Variants in LHX4 observed in about 807,000 individuals in gnomAD.
The protein encoded by LHX4 is LIM/homeobox protein Lhx4.
A neutral mutation model predicts 39.2 loss-of-function variants in LHX4; 16 were observed. That is an observed-to-expected ratio of 0.41 (90% confidence interval 0.28 to 0.62). The LOEUF (loss-of-function observed/expected upper bound fraction) is 0.62. Among genes scored for constraint, LHX4 ranks in the 20% least tolerant of loss-of-function variants. The probability of loss-of-function intolerance (pLI) is 0.33; values close to 1 mark genes in which losing one functional copy is unlikely to be tolerated. For missense variants in LHX4, 439 were observed against 511.9 expected, an observed-to-expected ratio of 0.86 and a Z score of 1.37; for synonymous variants, 206 against 198.1, an observed-to-expected ratio of 1.04 and a Z score of -0.33.
chr1:180,258,614 G>A (rs1441683116), intron 2 of LHX4, among the ~76,000 whole-genome samples: 3 of 152,098 alleles, frequency 2.0e-5, no homozygotes, highest in Non-Finnish European at 4.4e-5. Context: ...AAGGCGGTGT[G>A]GGTGTGAGAA....
At chr1:180,255,405 C>G (rs1181475124) in intron 2 of LHX4, among the ~76,000 whole-genome samples, 1 of 152,212 alleles carries the variant, frequency 6.6e-6, no homozygotes, top group East Asian at 1.9e-4. Context: ...CGCGTGCACA[C>G]ACATGCACAC....
At chr1:180,245,055 C>T (rs1647335162) in intron 1 of LHX4, among the ~76,000 whole-genome samples, 1 of 152,206 alleles carries the variant, frequency 6.6e-6, no homozygotes, top group Non-Finnish European at 1.5e-5. Flanking sequence ...GCCCTTTGTA[C>T]TTAACTCACT....
In LHX4 at chr1:180,277,673, CT is replaced by C. The variant is rs1649115960; in HGVS notation, c.*3096del. On this transcript the variant is annotated 3_prime_UTR_variant, in exon 6 of 6. Transcript: ENST00000263726. Reference sequence around the variant, plus strand: ...AGTCAGGTTCTTGGCCCTTCAAGGACTTGCTATGCAACCTCAGGCAAATTCC... The same window carrying C: ...AGTCAGGTTCTTGGCCCTTCAAGGACTGCTATGCAACCTCAGGCAAATTCC... 1 of 152,190 alleles carries C rather than the reference CT, an allele frequency of 6.6e-6. No individual in the cohort carries two copies. The highest frequency in any genetic ancestry group is 2.4e-5 in the African/African-American group (1 of 41,448). The allele number at this position is 152,190 out of a possible 1,614,324, so 9.4% of individuals were successfully genotyped here. A position where few individuals can be genotyped will look rare whatever the true frequency, so the allele number is the denominator to read the frequency against.
In LHX4 at chr1:180,274,489, T is replaced by C; in HGVS notation, c.1083T>C (p.Ser361=). The C allele has an allele frequency of 6.2e-7, 1 of 1,613,914 alleles. No individual in the cohort carries two copies. Among genetic ancestry groups the C allele is most frequent in the East Asian group, 2.2e-5 (1 of 44,880 alleles). The part of the protein sequence containing the change: ...TLRAMAGGPT[S]DISTGSSVGY... ...GAGCCATGGCTGGGGGACCCACCTC[T>C]GACATCTCCACAGGAAGCAGTGTAG... Residue 361 remains serine, a synonymous_variant, in exon 6 of 6, where the codon TCT becomes TCC. Coordinates refer to ENST00000263726, the MANE Select transcript of LHX4 (RefSeq NM_033343.4).
chr1:180,242,600 G>A (rs768446009), intron 1 of LHX4, among the ~76,000 whole-genome samples: 14 of 152,096 alleles, frequency 9.2e-5, no homozygotes, highest in Non-Finnish European at 2.1e-4. Flanking sequence ...TCTATGCCTC[G>A]ACTATGTCCC....
At chr1:180,256,500 C>A (rs1357426606) in intron 2 of LHX4, among the ~76,000 whole-genome samples, 1 of 152,224 alleles carries the variant, frequency 6.6e-6, no homozygotes, top group African/African-American at 2.4e-5. Flanking sequence ...CTCCCACACA[C>A]CCATTCCAGT....
intron 1 of LHX4, among the ~76,000 whole-genome samples, chr1:180,247,446 C>A (rs955393904): frequency 2.6e-5 from 4 of 152,172 alleles, no homozygotes; most frequent in African/African-American, 9.7e-5. Flanking sequence ...TGTGACTGAT[C>A]AGGACAGTGC....
At chr1:180,262,253 C>T (rs1405779220) in intron 2 of LHX4, among the ~76,000 whole-genome samples, 3 of 147,210 alleles carry the variant, frequency 2.0e-5, no homozygotes, top group Non-Finnish European at 4.5e-5. Flanking sequence ...CGCTGCCCAG[C>T]ACCTTCCTAC....
Position 180,232,138 on chromosome 1 carries a change from A to G in LHX4, c.76+1533A>G, listed in dbSNP as rs1174593422. On this transcript the variant is annotated intron_variant, in intron 1 of 5. Coordinates refer to ENST00000263726, the MANE Select transcript of LHX4 (RefSeq NM_033343.4). This position sits in a 1 kb window ranked among gnomAD's most constrained non-coding sequence, Gnocchi z 5.4. ...AGCCCCTGCAAAGACGGAAACAGAAACCCTGCAAAGGTGCACCGAGTCCTT... is the reference window on the plus strand; with the variant it reads ...AGCCCCTGCAAAGACGGAAACAGAAGCCCTGCAAAGGTGCACCGAGTCCTT... 6.6e-6 allele frequency among the ~76,000 whole-genome samples: 1 copy of G among 152,066 alleles called. No individual in the cohort carries two copies. The highest frequency in any genetic ancestry group is 2.4e-5 in the African/African-American group (1 of 41,400).
intron 1 of LHX4, among the ~76,000 whole-genome samples, chr1:180,241,806 T>G (rs921159198): frequency 3.3e-5 from 5 of 152,134 alleles, no homozygotes; most frequent in African/African-American, 9.7e-5. Context: ...GTTTTTGTGT[T>G]TTTTTTCTTT....
chr1:180,276,976 A>ATCTC lies in LHX4; in HGVS notation c.*2399_*2402dup, dbSNP rs2149270851. 6.6e-6 allele frequency: 1 copy of ATCTC among 152,272 alleles called. No individual in the cohort carries two copies. Among genetic ancestry groups the ATCTC allele is most frequent in the Non-Finnish European group, 1.5e-5 (1 of 68,034 alleles). 9.4% of individuals were successfully genotyped at this position (152,272 alleles called of 1,614,324 possible). A position where few individuals can be genotyped will look rare whatever the true frequency, so the allele number is the denominator to read the frequency against. On this transcript the variant is annotated 3_prime_UTR_variant, in exon 6 of 6. Coordinates refer to ENST00000263726, the MANE Select transcript of LHX4 (RefSeq NM_033343.4). ...CTCATTTATACTAATAATATAATAAATCTCTTGAGGAACTCAGTGAGCAGT... is the reference window on the plus strand; with the variant it reads ...CTCATTTATACTAATAATATAATAAATCTCTCTCTTGAGGAACTCAGTGAGCAGT...
chr1:180,239,102 G>A (rs1027394000), intron 1 of LHX4, among the ~76,000 whole-genome samples: 11 of 152,176 alleles, frequency 7.2e-5, no homozygotes, highest in African/African-American at 2.7e-4. Flanking sequence ...CTATACCTCC[G>A]TTATAAATCT....
intron 1 of LHX4, among the ~76,000 whole-genome samples, chr1:180,242,722 T>C (rs183666260): frequency 1.3e-5 from 2 of 152,318 alleles, no homozygotes; most frequent in Admixed American, 6.5e-5. Flanking sequence ...ACATTACTTT[T>C]TTGTTTCTGA....
In LHX4 at chr1:180,276,713, T is replaced by C. The variant is rs1305392878; in HGVS notation, c.*2134T>C. ...AGGCTCTGCTGGGCAATGAACCAGA[T>C]GAAAAGCTGCCCACCCAGATCACTG... On this transcript the variant is annotated 3_prime_UTR_variant, in exon 6 of 6. Coordinates refer to ENST00000263726, the MANE Select transcript of LHX4 (RefSeq NM_033343.4). 3.9e-5 allele frequency: 6 copies of C among 152,150 alleles called. No homozygotes were observed. Among genetic ancestry groups the C allele is most frequent in the African/African-American group, 7.2e-5 (3 of 41,438 alleles). The allele number at this position is 152,150 out of a possible 1,614,324, so 9.4% of individuals were successfully genotyped here.
Position 180,230,324 on chromosome 1 carries a change from A to T in LHX4, c.-206A>T. ...CACCAACCCCGGAGAGCGAGATCAA[A>T]GGGACTGGAAACAGACTGGGGACTG... On this transcript the variant is annotated 5_prime_UTR_variant, in exon 1 of 6. In the 5' UTR this introduces an upstream ATG that the reference lacks. Coordinates refer to ENST00000263726, the MANE Select transcript of LHX4 (RefSeq NM_033343.4). This position sits in a 1 kb window ranked among gnomAD's most constrained non-coding sequence, Gnocchi z 5.8. The T allele has an allele frequency of 1.6e-6, 1 of 616,912 alleles. No individual in the cohort carries two copies. Among genetic ancestry groups the T allele is most frequent in the Non-Finnish European group, 2.9e-6 (1 of 344,054 alleles). The allele number at this position is 616,912 out of a possible 1,614,324, so 38.2% of individuals were successfully genotyped here.
chr1:180,245,705 C>A (rs368839261), intron 1 of LHX4, among the ~76,000 whole-genome samples: 3 of 152,194 alleles, frequency 2.0e-5, no homozygotes, highest in South Asian at 2.1e-4. Context: ...TGTGTCAATC[C>A]GTTTGCTCCT....
intron 3 of LHX4, among the ~76,000 whole-genome samples, chr1:180,268,485 T>C (rs1199331686): frequency 6.6e-6 from 1 of 152,236 alleles, no homozygotes. Context: ...GATGCCGGAC[T>C]TGCTGTCAGA....
At chr1:180,244,329 C>T (rs556785620) in intron 1 of LHX4, among the ~76,000 whole-genome samples, 4 of 152,282 alleles carry the variant, frequency 2.6e-5, no homozygotes, top group South Asian at 2.1e-4. Context: ...CAGAGGGCCC[C>T]GGTTTGGTCC....
chr1:180,267,160 GC>G (rs1648352351), intron 3 of LHX4, among the ~76,000 whole-genome samples: 1 of 152,210 alleles, frequency 6.6e-6, no homozygotes, highest in African/African-American at 2.4e-5. Context: ...CCCAGTGAGT[GC>G]TAAAAGAAGA....
Sources: gnomAD v4.1 joint callset for allele counts (sites outside exome capture counted in the v4.1 genomes callset) on GRCh38, gnomAD v4.1.1 for gene constraint, Gnocchi (gnomAD v3.1) non-coding constraint, MANE v1.5 for transcripts, NCBI Gene and HGNC (gene_info 2026-07-23, HGNC 2026-07-21) for gene names.